PDGFA: variants seen among roughly 807,000 people sequenced by gnomAD.
PDGFA encodes the protein platelet-derived growth factor subunit A.
A neutral mutation model predicts 25.6 loss-of-function variants in PDGFA; 9 were observed. The ratio of observed to expected loss-of-function variants is 0.35; its 90% CI spans 0.21 to 0.61. The LOEUF is 0.61. Among genes scored for constraint, PDGFA ranks in the 20% least tolerant of loss-of-function variants. The pLI, the probability that PDGFA is intolerant of heterozygous loss-of-function variation, is 0.75. For missense variants in PDGFA, 242 were observed against 272.8 expected (o/e 0.89, Z 0.79); for synonymous variants, 133 against 111.8 (o/e 1.19, Z -1.20).
rs1190985318 is a variant in PDGFA at position 517,764 on chromosome 7, C to G, written c.64-274G>C. ...CTTTATATTTTCAGACAAAAGCCCCCGCACTCCGGCCCCTCCACCCGGGGT... is the reference window on the plus strand; with the variant it reads ...CTTTATATTTTCAGACAAAAGCCCCGGCACTCCGGCCCCTCCACCCGGGGT... On this transcript the variant is annotated intron_variant, in intron 1 of 5. Transcript: ENST00000402802. This position sits in a 1 kb window ranked among gnomAD's most constrained non-coding sequence, Gnocchi z 7.4. Among the ~76,000 whole-genome samples the G allele has an allele frequency of 2.6e-5, 4 of 151,846 alleles. No individual in the cohort carries two copies. Among genetic ancestry groups the G allele is most frequent in the Admixed American group, 6.5e-5 (1 of 15,276 alleles).
At chr7:511,340 G>GGGT (rs753042082) in intron 3 of PDGFA, among the ~76,000 whole-genome samples, 1 of 28,520 alleles carries the variant, frequency 3.5e-5, no homozygotes, top group Non-Finnish European at 6.6e-5. Flanking sequence ...TGGGGGTGGG[G>GGGT]AGAGGGGAAC....
chr7:519,231 C>T, exon 1 of PDGFA: 1 of 170,946 alleles, frequency 5.8e-6, no homozygotes. Context: ...GCGCCCGCAG[C>T]GCGGGGAGCC....
At chr7:502,653 C>T (rs62433304) in intron 4 of PDGFA, among the ~76,000 whole-genome samples, 33,222 of 152,020 alleles carry the variant, frequency 0.22, 3,926 homozygotes, top group East Asian at 0.38. Context: ...AGGCACAAAA[C>T]CACAACATGG....
intron 4 of PDGFA, among the ~76,000 whole-genome samples, chr7:505,255 T>TG (rs889129405): frequency 4.0e-4 from 61 of 152,044 alleles, no homozygotes; most frequent in African/African-American, 7.0e-4. Flanking sequence ...GCCCAAGTGA[T>TG]GGGGGGGGTC....
At position 518,921 on chromosome 7, in the gene PDGFA, C is replaced by A; in HGVS notation, c.63+18G>T. The A allele has an allele frequency of 6.7e-7, 1 of 1,502,058 alleles. No individual in the cohort carries two copies. Among genetic ancestry groups the A allele is most frequent in the Non-Finnish European group, 8.9e-7 (1 of 1,125,498 alleles). The allele number at this position is 1,502,058 out of a possible 1,614,324, so 93.0% of individuals were successfully genotyped here. Reference sequence around the variant, plus strand: ...CGGAGGAGCCGGCGCAGGGACGGGGCGCGGGGGCGGCACCAACCTCGGCCA... The same window carrying A: ...CGGAGGAGCCGGCGCAGGGACGGGGAGCGGGGGCGGCACCAACCTCGGCCA... On this transcript the variant is annotated intron_variant, in intron 1 of 5. Transcript: ENST00000402802.
chr7:500,637 G>C lies in PDGFA; in HGVS notation c.580+479C>G. The C allele has an allele frequency of 2.0e-6, 3 of 1,490,712 alleles. No individual in the cohort carries two copies. Among genetic ancestry groups the C allele is most frequent in the Non-Finnish European group, 2.7e-6 (3 of 1,125,928 alleles). The allele number at this position is 1,490,712 out of a possible 1,614,324, so 92.3% of individuals were successfully genotyped here. A position where few individuals can be genotyped will look rare whatever the true frequency, so the allele number is the denominator to read the frequency against. On this transcript the variant is annotated intron_variant, in intron 5 of 5. Coordinates refer to ENST00000402802, the Ensembl canonical transcript of PDGFA. This position sits in a 1 kb window ranked among gnomAD's most constrained non-coding sequence, Gnocchi z 5.0. ...CACCCTGGCACCGAGAAACTTCTGA[G>C]TCCCCTCATGCTCCCAGGGCCCAGC...
intron 2 of PDGFA, among the ~76,000 whole-genome samples, chr7:513,673 T>C (rs1263348245): frequency 6.6e-6 from 1 of 152,192 alleles, no homozygotes; most frequent in Non-Finnish European, 1.5e-5. Flanking sequence ...CTGCACCTCC[T>C]GGGTTCAGGA....
intron 4 of PDGFA, among the ~76,000 whole-genome samples, chr7:505,152 T>G (rs1172499218): frequency 6.6e-6 from 1 of 152,092 alleles, no homozygotes; most frequent in Admixed American, 6.5e-5. Context: ...CACAAAAACC[T>G]CCTCCATAAA....
At position 500,540 on chromosome 7, in the gene PDGFA, G is replaced by C. The variant is rs369716807; in HGVS notation, c.580+576C>G. ...CAGGGCGGTGAGTGGGCCGAGGGAC[G>C]GCCGTCGGGGTGAAGAACTGAAGCA... On this transcript the variant is annotated intron_variant, in intron 5 of 5. Coordinates refer to ENST00000402802, the Ensembl canonical transcript of PDGFA. This position sits in a 1 kb window ranked among gnomAD's most constrained non-coding sequence, Gnocchi z 5.0. The C allele has an allele frequency of 5.0e-6, 8 of 1,613,276 alleles. No homozygotes were observed. The highest frequency in any genetic ancestry group is 6.8e-6 in the Non-Finnish European group (8 of 1,179,940).
In PDGFA at chr7:517,374, A is replaced by T; in HGVS notation, c.160+20T>A. ...CCGCCCGCGCCCTCCCCGCGCGCGG[A>T]GGGAAGGGGCGCGATTTACCTACGG... On this transcript the variant is annotated intron_variant, in intron 2 of 5. Transcript: ENST00000402802. This position sits in a 1 kb window ranked among gnomAD's most constrained non-coding sequence, Gnocchi z 7.4. 1 of 1,259,368 alleles carries T rather than the reference A, an allele frequency of 7.9e-7. No homozygotes were observed. The allele number at this position is 1,259,368 out of a possible 1,614,324, so 78.0% of individuals were successfully genotyped here.
chr7:503,633 C>A (rs1280375768), intron 4 of PDGFA, among the ~76,000 whole-genome samples: 1 of 152,172 alleles, frequency 6.6e-6, no homozygotes, highest in Admixed American at 6.5e-5. Flanking sequence ...AGCTCTGCAC[C>A]CTGGGACCAG....
intron 4 of PDGFA, among the ~76,000 whole-genome samples, chr7:508,590 T>TAAAAAAAAAAAAAAAAACC (rs1275774675): frequency 7.6e-6 from 1 of 130,898 alleles, no homozygotes; most frequent in African/African-American, 2.9e-5. Flanking sequence ...AAAAAAAAAT[T>TAAAAAAAAAAAAAAAAACC]CTCAGCTGAG....
intron 4 of PDGFA, among the ~76,000 whole-genome samples, chr7:507,895 C>G (rs1174325536): frequency 6.6e-6 from 1 of 152,170 alleles, no homozygotes; most frequent in Admixed American, 6.5e-5. Context: ...CCTGACCCCC[C>G]GGCGGTAAAT....
At chr7:519,260 G>A (rs903282895) in exon 1 of PDGFA, 2 of 386,092 alleles carry the variant, frequency 5.2e-6, no homozygotes, top group African/African-American at 4.2e-5. Context: ...CGCCGGGTAG[G>A]GGGTGGGGAC....
chr7:503,560 G>C (rs1051693578), intron 4 of PDGFA, among the ~76,000 whole-genome samples: 10 of 152,300 alleles, frequency 6.6e-5, no homozygotes, highest in Admixed American at 1.3e-4. Flanking sequence ...AACCTTCTTG[G>C]GGGGAAGGGG....
intron 4 of PDGFA, among the ~76,000 whole-genome samples, chr7:507,266 G>A (rs1278182327): frequency 6.6e-6 from 1 of 152,270 alleles, no homozygotes; most frequent in African/African-American, 2.4e-5. Flanking sequence ...TGGGTCTGAG[G>A]AGGTGGGAAC....
chr7:511,639 G>T (rs956982431), intron 3 of PDGFA, among the ~76,000 whole-genome samples: 1 of 152,156 alleles, frequency 6.6e-6, no homozygotes, highest in Non-Finnish European at 1.5e-5. Flanking sequence ...TCAGAGAGGG[G>T]GGTCCACCTG....
chr7:515,983 TC>T (rs1238349141), intron 2 of PDGFA, among the ~76,000 whole-genome samples: 1 of 110,246 alleles, frequency 9.1e-6, no homozygotes, highest in African/African-American at 3.7e-5. Flanking sequence ...TCCACAAGCC[TC>T]CCCTTCTGCT....
Position 500,464 on chromosome 7 carries a change from T to C in PDGFA, c.580+652A>G. 6.2e-7 allele frequency: 1 copy of C among 1,614,084 alleles called. No individual in the cohort carries two copies. The highest frequency in any genetic ancestry group is 8.5e-7 in the Non-Finnish European group (1 of 1,180,022). ...CTGCTTTAGGTGGGTTTTAACCTTTTTCTTTTCCGTTTTTTACCTGACTCC... is the reference window on the plus strand; with the variant it reads ...CTGCTTTAGGTGGGTTTTAACCTTTCTCTTTTCCGTTTTTTACCTGACTCC... On this transcript the variant is annotated intron_variant, in intron 5 of 5. Coordinates refer to ENST00000402802, the Ensembl canonical transcript of PDGFA. This position sits in a 1 kb window ranked among gnomAD's most constrained non-coding sequence, Gnocchi z 5.0.
Sources: gnomAD v4.1 joint callset for allele counts (sites outside exome capture counted in the v4.1 genomes callset) on GRCh38, gnomAD v4.1.1 for gene constraint, Gnocchi (gnomAD v3.1) non-coding constraint, MANE v1.5 for transcripts, NCBI Gene and HGNC (gene_info 2026-07-23, HGNC 2026-07-21) for gene names.